RFX3: variants seen among roughly 807,000 people sequenced by gnomAD.
RFX3 encodes the protein regulatory factor X3, also known as transcription factor RFX3.
Under a neutral mutation model 98.6 loss-of-function variants are expected in RFX3, and 14 were observed. The observed-to-expected ratio is 0.14, with a 90% CI of 0.09 to 0.22. The LOEUF is 0.22. RFX3 is among the 10% of genes least tolerant of loss of function. The probability of loss-of-function intolerance (pLI) is 1.00; values close to 1 mark genes in which losing one functional copy is unlikely to be tolerated. For synonymous variants in RFX3, 383 were observed against 328.4 expected, an observed-to-expected ratio of 1.17 and a Z score of -1.80; for missense variants, 639 against 926.9, an observed-to-expected ratio of 0.69 and a Z score of 4.03.
chr9:3,275,692 A>T (rs1825116129), intron 8 of RFX3, 80 bp from the exon 9 acceptor site: 2 of 768,582 alleles, frequency 2.6e-6, no homozygotes, highest in Non-Finnish European at 4.2e-6. Context: ...ATTTAAGAAG[A>T]CCAAAAAGAA....
At chr9:3,337,753 T>A (rs932176104) in intron 3 of RFX3, among the ~76,000 whole-genome samples, 3 of 152,222 alleles carry the variant, frequency 2.0e-5, no homozygotes, top group Non-Finnish European at 2.9e-5. Flanking sequence ...CCAGACTTCC[T>A]GGAAATTCTG....
intron 1 of RFX3, among the ~76,000 whole-genome samples, chr9:3,408,587 G>C (rs1010921331): frequency 1.3e-5 from 2 of 148,986 alleles, no homozygotes; most frequent in South Asian, 4.3e-4. Context: ...AGTTATCTCT[G>C]TCTCTGTCTC....
chr9:3,458,875 A>G (rs1269816654), intron 1 of RFX3, among the ~76,000 whole-genome samples: 2 of 152,208 alleles, frequency 1.3e-5, no homozygotes, highest in Admixed American at 6.5e-5. Flanking sequence ...CTGACAGGGA[A>G]TAAGTAGTTA....
chr9:3,271,168 CTG>C (rs1242530158), intron 9 of RFX3, 50 bp from the exon 10 acceptor site: 1 of 1,500,808 alleles, frequency 6.7e-7, no homozygotes. Context: ...ATTTACGGGA[CTG>C]TGTGAGGACA....
Position 3,220,552 on chromosome 9 carries a change from A to G in RFX3, c.*4490T>C, listed in dbSNP as rs1415200538. 1 of 152,092 alleles carries G rather than the reference A, an allele frequency of 6.6e-6. No individual in the cohort carries two copies. The highest frequency in any genetic ancestry group is 1.5e-5 in the Non-Finnish European group (1 of 68,016). The allele number at this position is 152,092 out of a possible 1,614,324, so 9.4% of individuals were successfully genotyped here. ...CTTAGATGGCAGTGAATATTTGGGA[A>G]TAAATATATCAAGCCCTCTTGAAGA... On this transcript the variant is annotated 3_prime_UTR_variant, in exon 17 of 17. Transcript: ENST00000617270.
intron 1 of RFX3, among the ~76,000 whole-genome samples, chr9:3,442,462 A>G (rs945595467): frequency 1.3e-5 from 2 of 152,150 alleles, no homozygotes; most frequent in African/African-American, 4.8e-5. Context: ...ATAAGGGAAG[A>G]CAGAAAAGCC....
chr9:3,378,366 A>G (rs1258176343), intron 2 of RFX3, among the ~76,000 whole-genome samples: 2 of 152,174 alleles, frequency 1.3e-5, no homozygotes, highest in South Asian at 2.1e-4. Context: ...ATCAGACTAC[A>G]TAATCCATTA....
chr9:3,246,282 T>C (rs1315534507), intron 15 of RFX3, among the ~76,000 whole-genome samples: 1 of 149,628 alleles, frequency 6.7e-6, no homozygotes, highest in African/African-American at 2.5e-5. Flanking sequence ...TTAGATCGTT[T>C]ACATGTAGTA....
chr9:3,366,715 T>TTTCTTTCTTTCTTTC lies in RFX3; in HGVS notation c.118-19966_118-19952dup, dbSNP rs1563994295. On this transcript the variant is annotated intron_variant, in intron 2 of 16. Transcript: ENST00000617270. ...TTTCCTTTCTTTCTTTCTTTCTTTCTTTCTTTCTTTCTTTCTTTCTTTCTT... is the reference window on the plus strand; with the variant it reads ...TTTCCTTTCTTTCTTTCTTTCTTTCTTTCTTTCTTTCTTTCTTCTTTCTTTCTTTCTTTCTTTCTT... Among the ~76,000 whole-genome samples, 8 of 141,916 alleles carry TTTCTTTCTTTCTTTC rather than the reference T, an allele frequency of 5.6e-5. No homozygotes were observed. In the East Asian group the frequency reaches 1.7e-3, roughly 30 times the overall value. 93.1% of individuals were successfully genotyped at this position (141,916 alleles called of 152,430 possible).
chr9:3,494,849 C>A (rs1850989967), intron 1 of RFX3, among the ~76,000 whole-genome samples: 2 of 151,914 alleles, frequency 1.3e-5, no homozygotes, highest in African/African-American at 4.8e-5. Context: ...TGCAGCCTCA[C>A]ACAGGGAATT....
At chr9:3,324,438 A>G (rs1431795837) in intron 4 of RFX3, among the ~76,000 whole-genome samples, 1 of 152,086 alleles carries the variant, frequency 6.6e-6, no homozygotes, top group Non-Finnish European at 1.5e-5. Context: ...TCCTCTGGTA[A>G]GATAGATGGG....
At chr9:3,376,791 A>G (rs2131631247) in intron 2 of RFX3, among the ~76,000 whole-genome samples, 1 of 152,354 alleles carries the variant, frequency 6.6e-6, no homozygotes, top group East Asian at 1.9e-4. Context: ...AAGGACATGA[A>G]CAGACACTTC....
intron 14 of RFX3, among the ~76,000 whole-genome samples, chr9:3,248,899 C>G (rs944172174): frequency 6.6e-6 from 1 of 151,988 alleles, no homozygotes; most frequent in Non-Finnish European, 1.5e-5. Context: ...TTATAAAATA[C>G]TTATAATAAA....
intron 1 of RFX3, among the ~76,000 whole-genome samples, chr9:3,439,732 A>C (rs766232952): frequency 6.6e-6 from 1 of 152,002 alleles, no homozygotes; most frequent in Non-Finnish European, 1.5e-5. Context: ...CAATACTAAC[A>C]TGTTTCCCAT....
At chr9:3,390,083 T>C (rs1840145374) in intron 2 of RFX3, among the ~76,000 whole-genome samples, 1 of 152,190 alleles carries the variant, frequency 6.6e-6, no homozygotes, top group Admixed American at 6.6e-5. Context: ...ACAGAAGAAG[T>C]GTATAATACT....
intron 1 of RFX3, among the ~76,000 whole-genome samples, chr9:3,514,314 A>C (rs1265089907): frequency 1.3e-5 from 2 of 152,252 alleles, no homozygotes; most frequent in Non-Finnish European, 2.9e-5. Flanking sequence ...AACACCAAGC[A>C]AAATGTAAAT....
intron 4 of RFX3, among the ~76,000 whole-genome samples, chr9:3,313,641 T>C (rs1830226516): frequency 1.3e-5 from 2 of 152,132 alleles, no homozygotes; most frequent in Admixed American, 1.3e-4. Context: ...ATTAGACGAA[T>C]GGCTAACTAG....
At chr9:3,454,486 C>G (rs998962010) in intron 1 of RFX3, among the ~76,000 whole-genome samples, 5 of 152,128 alleles carry the variant, frequency 3.3e-5, no homozygotes, top group Non-Finnish European at 5.9e-5. Context: ...ATGTGTAAAA[C>G]TCACTTAAAA....
intron 1 of RFX3, among the ~76,000 whole-genome samples, chr9:3,471,016 T>C (rs549689463): frequency 6.6e-6 from 1 of 152,352 alleles, no homozygotes; most frequent in African/African-American, 2.4e-5. Context: ...AATTTAAATA[T>C]AGTATCTACA....
Sources: gnomAD v4.1 joint callset for allele counts (sites outside exome capture counted in the v4.1 genomes callset) on GRCh38, gnomAD v4.1.1 for gene constraint, MANE v1.5 for transcripts, NCBI Gene and HGNC (gene_info 2026-07-23, HGNC 2026-07-21) for gene names.